HDAC9: variants seen among roughly 807,000 people sequenced by gnomAD.
The protein encoded by HDAC9 is MEF-2 interacting transcription repressor (MITR) protein.
Under a neutral mutation model 139.4 loss-of-function variants are expected in HDAC9, and 41 were observed. The observed-to-expected ratio is 0.29, with a 90% confidence interval of 0.23 to 0.38. The LOEUF (loss-of-function observed/expected upper bound fraction) is 0.38, where lower values mean the gene tolerates loss of function less well. Among genes scored for constraint, HDAC9 ranks in the 10% least tolerant of loss-of-function variants. HDAC9 has a pLI of 1.00. For missense variants in HDAC9, 1,147 were observed against 1,297.0 expected, an observed-to-expected ratio of 0.88 and a Z score of 1.78; for synonymous variants, 517 against 476.2, an observed-to-expected ratio of 1.09 and a Z score of -1.12.
chr7:18,961,533 G>A (rs1448201859), intron 24 of HDAC9, among the ~76,000 whole-genome samples: 4 of 152,136 alleles, frequency 2.6e-5, no homozygotes, highest in Admixed American at 1.3e-4. Context: ...AACAATTTGG[G>A]GAGAAGGCAG....
At chr7:18,900,614 A>T (rs1011610275) in intron 22 of HDAC9, among the ~76,000 whole-genome samples, 1 of 152,174 alleles carries the variant, frequency 6.6e-6, no homozygotes, top group Admixed American at 6.6e-5. Flanking sequence ...ACAAGATCCC[A>T]TGGACCCCTT....
At chr7:18,385,495 A>G (rs1467731971) in intron 1 of HDAC9, among the ~76,000 whole-genome samples, 3 of 152,186 alleles carry the variant, frequency 2.0e-5, no homozygotes, top group African/African-American at 4.8e-5. Flanking sequence ...TCACTATATC[A>G]CTATAGATAC....
In HDAC9 at chr7:18,171,757, TCC is replaced by T. The variant is rs1279027267; in HGVS notation, c.25+9409_25+9410del. On this transcript the variant is annotated intron_variant, in intron 2 of 12. Transcript: ENST00000417496. ...ATGTGATGGATTATGTTTATTGATT[TCC>T]GTATGTTGAACCAGCCTTGCATCCC... 9.6e-4 allele frequency among the ~76,000 whole-genome samples: 147 copies of T among 152,354 alleles called. 1 individual carries two copies. The East Asian group carries it at 0.025, about 26-fold the overall frequency.
At chr7:18,792,266 T>TA (rs1474112535) in intron 16 of HDAC9, among the ~76,000 whole-genome samples, 142 of 147,822 alleles carry the variant, frequency 9.6e-4, no homozygotes, top group African/African-American at 2.9e-3. Context: ...TCTTTTTTTT[T>TA]TAAAAAAAAA....
intron 2 of HDAC9, among the ~76,000 whole-genome samples, chr7:18,566,206 G>A (rs1175244098): frequency 6.6e-6 from 1 of 152,174 alleles, no homozygotes; most frequent in Non-Finnish European, 1.5e-5. Context: ...TAGAGGAGAG[G>A]TTTCCAAATA....
chr7:18,443,926 A>G (rs549787154), intron 1 of HDAC9, among the ~76,000 whole-genome samples: 58 of 151,278 alleles, frequency 3.8e-4, no homozygotes, highest in Non-Finnish European at 6.2e-4. Flanking sequence ...TGTATTATAT[A>G]TATGTATATA....
At chr7:18,253,417 T>C (rs1377093718) in intron 2 of HDAC9, among the ~76,000 whole-genome samples, 3 of 152,178 alleles carry the variant, frequency 2.0e-5, no homozygotes, top group Non-Finnish European at 4.4e-5. Context: ...CAACACTTGT[T>C]ATTTTTTAAC....
At chr7:18,448,903 A>C (rs1276050253) in intron 1 of HDAC9, among the ~76,000 whole-genome samples, 1 of 152,138 alleles carries the variant, frequency 6.6e-6, no homozygotes, top group Non-Finnish European at 1.5e-5. Context: ...TAAAAATATA[A>C]TAATAAAGTG....
At chr7:18,381,397 C>G (rs1337142424) in intron 1 of HDAC9, among the ~76,000 whole-genome samples, 1 of 151,806 alleles carries the variant, frequency 6.6e-6, no homozygotes, top group Non-Finnish European at 1.5e-5. Flanking sequence ...TATCTGACCA[C>G]CAAGCAGTAA....
intron 22 of HDAC9, among the ~76,000 whole-genome samples, chr7:18,899,045 A>G (rs1326965700): frequency 6.6e-6 from 1 of 152,048 alleles, no homozygotes; most frequent in Non-Finnish European, 1.5e-5. Flanking sequence ...TGCATAGGGA[A>G]AGTTTCCAAA....
At chr7:18,915,698 A>C (rs929972507) in intron 22 of HDAC9, among the ~76,000 whole-genome samples, 1 of 151,708 alleles carries the variant, frequency 6.6e-6, no homozygotes, top group African/African-American at 2.4e-5. Flanking sequence ...ATGTGTTCTG[A>C]ATCAGGGCTT....
At position 18,364,936 on chromosome 7, in the gene HDAC9, AG is replaced by A. The variant is rs570631100; in HGVS notation, c.-42+74422del. The stretch of plus-strand genomic sequence containing the variant: ...GAAGGGAAATTTATTTTTATGAACA[AG>A]AAAAAGTTGAGTCTGTGTGCAGGTG... On this transcript the variant is annotated intron_variant, in intron 1 of 3. Transcript: ENST00000413509. Among the ~76,000 whole-genome samples, 16 of 152,272 alleles carry A rather than the reference AG, an allele frequency of 1.1e-4. No individual in the cohort carries two copies. In the East Asian group the frequency reaches 3.1e-3, roughly 29 times the overall value.
intron 13 of HDAC9, among the ~76,000 whole-genome samples, chr7:18,745,737 G>C (rs1487424182): frequency 1.3e-5 from 2 of 151,186 alleles, no homozygotes. Context: ...TAGTAGAGAC[G>C]GGGTTTCACC....
intron 12 of HDAC9, among the ~76,000 whole-genome samples, chr7:18,670,954 A>G (rs1273466022): frequency 6.6e-6 from 1 of 151,876 alleles, no homozygotes; most frequent in African/African-American, 2.4e-5. Context: ...TTAATCGTGA[A>G]AATCTGTAGC....
intron 2 of HDAC9, among the ~76,000 whole-genome samples, chr7:18,233,939 G>C (rs796527700): frequency 8.6e-5 from 13 of 151,576 alleles, no homozygotes; most frequent in African/African-American, 3.1e-4. Flanking sequence ...TCTTAAGTTT[G>C]GTCTTCATTT....
intron 12 of HDAC9, among the ~76,000 whole-genome samples, chr7:18,678,290 G>A (rs1381956034): frequency 6.6e-6 from 1 of 151,780 alleles, no homozygotes; most frequent in East Asian, 1.9e-4. Context: ...AATTGATTAT[G>A]ATGTCCCTTA....
chr7:18,874,192 G>C (rs1302631524), intron 21 of HDAC9, among the ~76,000 whole-genome samples: 2 of 150,614 alleles, frequency 1.3e-5, no homozygotes, highest in African/African-American at 4.9e-5. Flanking sequence ...AGCCACAGAC[G>C]TATGTGTAAT....
chr7:18,617,962 A>G (rs2128931056), intron 6 of HDAC9, among the ~76,000 whole-genome samples: 1 of 152,286 alleles, frequency 6.6e-6, no homozygotes, highest in Non-Finnish European at 1.5e-5. Flanking sequence ...AGAAGAAAAC[A>G]AGGAAACAAA....
At chr7:18,164,720 C>A (rs979458281) in intron 2 of HDAC9, among the ~76,000 whole-genome samples, 4 of 152,190 alleles carry the variant, frequency 2.6e-5, no homozygotes, top group Admixed American at 2.6e-4. Context: ...CTTAATCATG[C>A]ATTCAGTCAA....
Sources: allele counts gnomAD v4.1 joint callset (sites outside exome capture counted in the v4.1 genomes callset), GRCh38; gene constraint gnomAD v4.1.1; transcripts MANE v1.5; gene names NCBI Gene and HGNC (gene_info 2026-07-23, HGNC 2026-07-21).